Variants in MEG3 observed in about 807,000 individuals in gnomAD.
MEG3 encodes the protein maternally expressed 3.
At chr14:100,830,831 C>T (rs925520103), downstream of MEG3, 10 of 152,436 alleles carry the variant, frequency 6.6e-5, no homozygotes, top group African/African-American at 2.2e-4. Flanking sequence ...ACAATAGCTG[C>T]CCAGCCTCTG....
At chr14:100,828,259 G>C (rs977020417) in intron 1 of MEG3, among the ~76,000 whole-genome samples, 1 of 151,974 alleles carries the variant, frequency 6.6e-6, no homozygotes, top group Non-Finnish European at 1.5e-5. Flanking sequence ...TGCCAGCCCC[G>C]CTACCTTGGG....
At chr14:100,834,559 C>G in exon 1 of MEG3, 2 of 394,886 alleles carry the variant, frequency 5.1e-6, no homozygotes, top group Admixed American at 5.4e-5. Flanking sequence ...TGAGTCCCTG[C>G]TTTTTCTGCT....
At chr14:100,831,162 C>T (rs1374420021), downstream of MEG3, 1 of 152,872 alleles carries the variant, frequency 6.5e-6, no homozygotes, top group Non-Finnish European at 1.5e-5. Flanking sequence ...CTCACAACTC[C>T]CTGTCCTGAG....
At chr14:100,835,741 T>C in exon 1 of MEG3, 1 of 174,506 alleles carries the variant, frequency 5.7e-6, no homozygotes, top group Non-Finnish European at 1.2e-5. Flanking sequence ...TCCAGCAGGT[T>C]CCCAGTGCCC....
chr14:100,835,930 T>C (rs915397507), intron 1 of MEG3: 2 of 317,542 alleles, frequency 6.3e-6, no homozygotes, highest in African/African-American at 4.5e-5. Context: ...CTGAGAGTCC[T>C]GGGCTCTGCC....
At chr14:100,835,270 G>C (rs1304053199) in exon 1 of MEG3, 2 of 158,812 alleles carry the variant, frequency 1.3e-5, no homozygotes, top group African/African-American at 2.4e-5. Context: ...TGTAGTGTGT[G>C]CCCCCCCGGG....
upstream of MEG3, chr14:100,852,523 T>C (rs764321244): frequency 2.1e-6 from 1 of 473,210 alleles, no homozygotes; most frequent in Non-Finnish European, 4.3e-6. Context: ...AGGCTATGCC[T>C]TGGCTGGACT....
At chr14:100,840,518 A>C (rs2037721621) in intron 2 of MEG3, among the ~76,000 whole-genome samples, 1 of 152,122 alleles carries the variant, frequency 6.6e-6, no homozygotes, top group African/African-American at 2.4e-5. Context: ...GATGAAAAGA[A>C]GAAAACGTCA....
At chr14:100,848,769 G>T (rs1322578753) in intron 3 of MEG3, 1 of 152,138 alleles carries the variant, frequency 6.6e-6, no homozygotes, top group Non-Finnish European at 1.5e-5. Flanking sequence ...ATAAATGCGT[G>T]CATTCCATAG....
chr14:100,848,464 A>T (rs2037980156), intron 3 of MEG3: 1 of 152,250 alleles, frequency 6.6e-6, no homozygotes. Flanking sequence ...TGATTGAACG[A>T]CAGAAAAGAT....
intron 3 of MEG3, chr14:100,851,348 T>C (rs1417219714): frequency 6.6e-6 from 1 of 152,312 alleles, no homozygotes; most frequent in Non-Finnish European, 1.5e-5. Context: ...CAGGGAGCAA[T>C]AGGCCCTGGG....
intron 2 of MEG3, among the ~76,000 whole-genome samples, chr14:100,841,888 C>A (rs975072981): frequency 6.6e-6 from 1 of 152,184 alleles, no homozygotes; most frequent in African/African-American, 2.4e-5. Context: ...TCACCTTGTG[C>A]CTTTTGGGTC....
At chr14:100,833,469 A>AG (rs1316342326), downstream of MEG3, 1 of 152,222 alleles carries the variant, frequency 6.6e-6, no homozygotes, top group East Asian at 1.9e-4. Flanking sequence ...CATGTTGGTC[A>AG]GGCTGGTCTT....
intron 3 of MEG3, chr14:100,847,583 C>G (rs548458889): frequency 6.6e-6 from 1 of 152,144 alleles, no homozygotes; most frequent in Admixed American, 6.5e-5. Flanking sequence ...TATGGCTGGT[C>G]CACTTCTAGA....
exon 1 of MEG3, chr14:100,859,101 C>G (rs547573626): frequency 2.0e-5 from 3 of 152,278 alleles, no homozygotes; most frequent in Non-Finnish European, 4.4e-5. Flanking sequence ...CCCTTTACAC[C>G]CTGCCTCCTG....
chr14:100,839,566 T>C (rs1295996408), intron 2 of MEG3, among the ~76,000 whole-genome samples: 1 of 152,104 alleles, frequency 6.6e-6, no homozygotes, highest in Admixed American at 6.5e-5. Flanking sequence ...GTCCCACACC[T>C]GGGCTGCCCA....
chr14:100,828,028 C>T (rs867129059), intron 1 of MEG3, among the ~76,000 whole-genome samples: 2 of 152,074 alleles, frequency 1.3e-5, no homozygotes, highest in Admixed American at 6.5e-5. Flanking sequence ...GGCGCTGCGC[C>T]GCAGCCACAG....
upstream of MEG3, chr14:100,853,530 G>A (rs898254000): frequency 1.3e-5 from 2 of 151,386 alleles, no homozygotes; most frequent in Non-Finnish European, 2.9e-5. Flanking sequence ...ATTCTTTAAT[G>A]AGCATCCCTT....
chr14:100,836,350 T>C (rs2037580124), intron 2 of MEG3: 1 of 450,836 alleles, frequency 2.2e-6, no homozygotes, highest in Non-Finnish European at 4.4e-6. Context: ...GGTCAGCTCA[T>C]GTCTCTCCTC....
Sources: allele counts gnomAD v4.1 joint callset (sites outside exome capture counted in the v4.1 genomes callset), GRCh38; gene constraint gnomAD v4.1.1; transcripts MANE v1.5; gene names NCBI Gene and HGNC (gene_info 2026-07-23, HGNC 2026-07-21).